Variants in RP1 observed in about 807,000 individuals in gnomAD.
The protein encoded by RP1 is oxygen-regulated protein 1.
RP1 carries 16 observed loss-of-function variants against 14.8 expected under a neutral mutation model. The ratio of observed to expected loss-of-function variants is 1.08; its 90% CI spans 0.73 to 1.65. The LOEUF (loss-of-function observed/expected upper bound fraction) is 1.65. Among genes scored for constraint, RP1 ranks in the 40% most tolerant of loss-of-function variants. The pLI is 0.00. For synonymous variants in RP1, 876 were observed against 883.6 expected, an observed-to-expected ratio of 0.99 and a Z score of 0.15; for missense variants, 2,631 against 2,535.0, an observed-to-expected ratio of 1.04 and a Z score of -0.81.
exon 29 of RP1, chr8:54,869,995 G>A: frequency 1.2e-6 from 1 of 811,566 alleles, no homozygotes; most frequent in African/African-American, 1.8e-5. Context: ...CTATTGATCT[G>A]ATTGTGATAG....
intron 24 of RP1, among the ~76,000 whole-genome samples, chr8:54,808,667 T>C (rs977780187): frequency 2.6e-5 from 4 of 152,252 alleles, no homozygotes; most frequent in African/African-American, 9.6e-5. Flanking sequence ...TGTTAAAAAA[T>C]GTTTCTTCTG....
chr8:54,581,394 C>T (rs1280264799), intron 1 of RP1, among the ~76,000 whole-genome samples: 1 of 152,164 alleles, frequency 6.6e-6, no homozygotes, highest in Admixed American at 6.5e-5. Context: ...TTTTCTTAAT[C>T]CAGTCTATCC....
chr8:54,699,942 A>C (rs1244590313), intron 13 of RP1, among the ~76,000 whole-genome samples: 1 of 152,208 alleles, frequency 6.6e-6, no homozygotes, highest in Non-Finnish European at 1.5e-5. Context: ...TGTAATGCAT[A>C]CATGTTATTT....
At chr8:54,800,949 A>T (rs1054303033) in intron 24 of RP1, among the ~76,000 whole-genome samples, 8 of 152,168 alleles carry the variant, frequency 5.3e-5, no homozygotes, top group Non-Finnish European at 1.0e-4. Context: ...GATGTGTTGT[A>T]TAGAACAGTA....
intron 24 of RP1, among the ~76,000 whole-genome samples, chr8:54,805,682 A>C (rs1284822759): frequency 6.6e-6 from 1 of 151,510 alleles, no homozygotes; most frequent in African/African-American, 2.4e-5. Flanking sequence ...CACCAGGTGC[A>C]TGCCCATGGA....
upstream of RP1, among the ~76,000 whole-genome samples, chr8:54,611,917 T>C (rs1381311908): frequency 7.1e-6 from 1 of 140,036 alleles, no homozygotes; most frequent in Non-Finnish European, 1.5e-5. Context: ...TCCTTCCTAT[T>C]CCCCCCTGCC....
At chr8:54,635,852 C>A (rs1488912793) in intron 3 of RP1, among the ~76,000 whole-genome samples, 2 of 152,066 alleles carry the variant, frequency 1.3e-5, no homozygotes, top group East Asian at 3.9e-4. Flanking sequence ...CATCTACAAC[C>A]CCCACAAGAA....
At chr8:54,729,207 C>T (rs940154417) in intron 17 of RP1, among the ~76,000 whole-genome samples, 6 of 152,112 alleles carry the variant, frequency 3.9e-5, no homozygotes, top group African/African-American at 1.4e-4. Flanking sequence ...AATCAAGACC[C>T]AGGAAGATGA....
intron 7 of RP1, chr8:54,673,732 C>A (rs1368607448): frequency 3.6e-6 from 3 of 822,600 alleles, no homozygotes; most frequent in Non-Finnish European, 5.6e-6. Context: ...AGAGGGAGAG[C>A]CTGTCTCAAA....
chr8:54,644,904 G>T (rs1368880990), intron 3 of RP1, among the ~76,000 whole-genome samples: 1 of 152,122 alleles, frequency 6.6e-6, no homozygotes, highest in African/African-American at 2.4e-5. Context: ...ATGATTTGTA[G>T]ATGTATCATG....
intron 6 of RP1, among the ~76,000 whole-genome samples, chr8:54,658,975 G>A (rs1352633879): frequency 6.6e-6 from 1 of 151,598 alleles, no homozygotes; most frequent in East Asian, 1.9e-4. Context: ...AATAATTAGT[G>A]ATGTTGAATT....
intron 1 of RP1, among the ~76,000 whole-genome samples, chr8:54,596,773 T>A (rs757170371): frequency 6.6e-6 from 1 of 152,362 alleles, no homozygotes; most frequent in South Asian, 2.1e-4. Context: ...TTACGATACA[T>A]TATTCATTTA....
intron 1 of RP1, among the ~76,000 whole-genome samples, chr8:54,595,894 T>C (rs1805134477): frequency 6.6e-6 from 1 of 152,238 alleles, no homozygotes; most frequent in Non-Finnish European, 1.5e-5. Flanking sequence ...AGGTGATTTA[T>C]TCCTGACCAT....
At chr8:54,566,402 C>T (rs1243583465) in intron 1 of RP1, among the ~76,000 whole-genome samples, 2 of 152,148 alleles carry the variant, frequency 1.3e-5, no homozygotes, top group African/African-American at 4.8e-5. Flanking sequence ...AATGATAAGC[C>T]TTCTGTGTTG....
Position 54,843,591 on chromosome 8 carries a change from C to G in RP1, c.3835+5922C>G, listed in dbSNP as rs543775753. On this transcript the variant is annotated intron_variant, in intron 25 of 28. Coordinates refer to the RP1 transcript ENST00000637698. The stretch of plus-strand genomic sequence containing the variant: ...TTTGGGCCGTATCAATGTGATCTCA[C>G]CACAATGAGTGCTCTGAGAGCTTAA... 3.3e-5 allele frequency among the ~76,000 whole-genome samples: 5 copies of G among 152,310 alleles called. No individual in the cohort carries two copies. In the South Asian group the frequency reaches 6.2e-4, roughly 19 times the overall value.
intron 25 of RP1, among the ~76,000 whole-genome samples, chr8:54,846,928 GTGTCCCTT>G (rs1213461594): frequency 6.6e-6 from 1 of 152,182 alleles, no homozygotes; most frequent in African/African-American, 2.4e-5. Flanking sequence ...CTAGAAAAAT[GTGTCCCTT>G]TGGGACTGTC....
chr8:54,688,189 T>C (rs1221890906), intron 12 of RP1, among the ~76,000 whole-genome samples: 1 of 152,210 alleles, frequency 6.6e-6, no homozygotes, highest in African/African-American at 2.4e-5. Flanking sequence ...TTTGTTTAAG[T>C]TCTTTGTAGA....
intron 1 of RP1, among the ~76,000 whole-genome samples, chr8:54,582,552 A>T (rs535552667): frequency 6.6e-6 from 1 of 152,146 alleles, no homozygotes; most frequent in African/African-American, 2.4e-5. Context: ...AGTCATTGGT[A>T]GCTTGATGGG....
At chr8:54,720,659 A>G (rs1808513082) in intron 16 of RP1, among the ~76,000 whole-genome samples, 1 of 152,188 alleles carries the variant, frequency 6.6e-6, no homozygotes, top group East Asian at 1.9e-4. Flanking sequence ...TCTCAGATTC[A>G]TTGCTATTAA....
Sources: gnomAD v4.1 joint callset for allele counts (sites outside exome capture counted in the v4.1 genomes callset) on GRCh38, gnomAD v4.1.1 for gene constraint, MANE v1.5 for transcripts, NCBI Gene and HGNC (gene_info 2026-07-23, HGNC 2026-07-21) for gene names.